GPBP1: variants seen among roughly 807,000 people sequenced by gnomAD.
GPBP1 encodes the protein GC-rich promoter binding protein 1.
A neutral mutation model predicts 56.5 loss-of-function variants in GPBP1; 13 were observed. The ratio of observed to expected loss-of-function variants is 0.23; its 90% CI spans 0.15 to 0.37. The LOEUF (loss-of-function observed/expected upper bound fraction) is 0.37. Ranked by LOEUF, GPBP1 falls within the 10% of genes least tolerant of loss-of-function variation. The probability of loss-of-function intolerance (pLI) is 1.00; values close to 1 mark genes in which losing one functional copy is unlikely to be tolerated. For missense variants in GPBP1, 477 were observed against 572.3 expected (o/e 0.83, Z 1.70); for synonymous variants, 204 against 188.9 (o/e 1.08, Z -0.66).
intron 2 of GPBP1, among the ~76,000 whole-genome samples, chr5:57,202,668 A>C (rs910150388): frequency 2.6e-5 from 4 of 152,142 alleles, no homozygotes; most frequent in African/African-American, 9.7e-5. Flanking sequence ...TCAGAGAAAA[A>C]ATTGCTTGTC....
chr5:57,246,559 G>A, intron 7 of GPBP1, 75 bp downstream of exon 7: 1 of 1,274,220 alleles, frequency 7.8e-7, no homozygotes, highest in Non-Finnish European at 1.1e-6. Context: ...AAATGTTAAA[G>A]AATTTAAAGT....
In GPBP1 at chr5:57,246,430, T is replaced by C; in HGVS notation, c.609T>C (p.Thr203=). 1 of 1,613,810 alleles carries C rather than the reference T, an allele frequency of 6.2e-7. No homozygotes were observed. ...NLPSQPVKNG[T]GPSVYKGLVP... is the part of the protein sequence containing the mutation. ...CGTCACAGCCAGTTAAGAATGGAAC[T>C]GGTCCAAGTGTTTATAAAGGTTTAG... Residue 203 remains threonine, a synonymous_variant, in exon 7 of 12, where the codon ACT becomes ACC. Transcript: ENST00000506184.
At chr5:57,195,308 A>C (rs1754697889) in intron 2 of GPBP1, among the ~76,000 whole-genome samples, 6 of 152,102 alleles carry the variant, frequency 3.9e-5, no homozygotes, top group Admixed American at 3.9e-4. Context: ...GGCACATGAC[A>C]TCATGCCTGG....
At chr5:57,220,669 A>C (rs972839976) in intron 3 of GPBP1, among the ~76,000 whole-genome samples, 2 of 152,022 alleles carry the variant, frequency 1.3e-5, no homozygotes, top group African/African-American at 4.8e-5. Flanking sequence ...CATATTGTCC[A>C]GGCTGGTCTT....
chr5:57,260,497 G>A (rs887487253), intron 10 of GPBP1, among the ~76,000 whole-genome samples: 4 of 152,072 alleles, frequency 2.6e-5, no homozygotes, highest in Non-Finnish European at 5.9e-5. Flanking sequence ...GGGGCTTTTC[G>A]CAAACTGATG....
At chr5:57,190,220 A>C (rs1754460168) in intron 2 of GPBP1, among the ~76,000 whole-genome samples, 1 of 151,104 alleles carries the variant, frequency 6.6e-6, no homozygotes, top group Non-Finnish European at 1.5e-5. Context: ...AGCTATTTTT[A>C]ACTGCTTGGG....
intron 11 of GPBP1, among the ~76,000 whole-genome samples, 177 bp from the exon 12 acceptor site, chr5:57,262,417 C>A (rs959572598): frequency 6.6e-6 from 1 of 152,160 alleles, no homozygotes; most frequent in South Asian, 2.1e-4. Context: ...GTACCTTAAT[C>A]AGTGTGACAA....
intron 2 of GPBP1, among the ~76,000 whole-genome samples, chr5:57,203,245 TTACA>T (rs772260943): frequency 9.2e-5 from 14 of 152,212 alleles, no homozygotes; most frequent in Non-Finnish European, 1.5e-4. Flanking sequence ...ATGTATGTAC[TTACA>T]TACATTTATA....
intron 2 of GPBP1, among the ~76,000 whole-genome samples, chr5:57,187,866 G>A (rs568852532): frequency 2.0e-5 from 3 of 151,054 alleles, no homozygotes; most frequent in African/African-American, 7.3e-5. Context: ...AAATTGAAGG[G>A]ACAGAAGAAG....
At chr5:57,209,630 A>G (rs1400099729) in intron 2 of GPBP1, among the ~76,000 whole-genome samples, 2 of 152,102 alleles carry the variant, frequency 1.3e-5, no homozygotes, top group Non-Finnish European at 2.9e-5. Flanking sequence ...GTTTTTTTTA[A>G]TAGATGCTGT....
chr5:57,263,220 A>T lies in GPBP1; in HGVS notation c.*468A>T, dbSNP rs1474535344. On this transcript the variant is annotated 3_prime_UTR_variant, in exon 12 of 12. Transcript: ENST00000506184. ...GGTCTCCCTCTCCTTCCCCCAAAAA[A>T]CAACAACAACAAAACAAAAACCAAA... The T allele has an allele frequency of 4.6e-5, 7 of 152,684 alleles. No homozygotes were observed. The highest frequency in any genetic ancestry group is 1.0e-4 in the Non-Finnish European group (7 of 68,234). 9.5% of individuals were successfully genotyped at this position (152,684 alleles called of 1,614,324 possible). A position where few individuals can be genotyped will look rare whatever the true frequency, so the allele number is the denominator to read the frequency against.
intron 3 of GPBP1, among the ~76,000 whole-genome samples, chr5:57,223,199 C>A (rs1172198585): frequency 6.6e-6 from 1 of 152,070 alleles, no homozygotes; most frequent in African/African-American, 2.4e-5. Flanking sequence ...GTCTTGAACT[C>A]CTGGCCTCGG....
At chr5:57,188,628 A>C (rs905040988) in intron 2 of GPBP1, among the ~76,000 whole-genome samples, 3 of 152,110 alleles carry the variant, frequency 2.0e-5, no homozygotes, top group Non-Finnish European at 2.9e-5. Flanking sequence ...CTGTAATCCC[A>C]GCTACTCGGG....
At chr5:57,214,731 T>C (rs1033712664) in intron 3 of GPBP1, among the ~76,000 whole-genome samples, 3 of 152,280 alleles carry the variant, frequency 2.0e-5, no homozygotes, top group African/African-American at 7.2e-5. Context: ...TCTTGGCTTA[T>C]TGTAGCCTAC....
At chr5:57,199,247 T>C (rs962425800) in intron 2 of GPBP1, among the ~76,000 whole-genome samples, 1 of 152,190 alleles carries the variant, frequency 6.6e-6, no homozygotes, top group Non-Finnish European at 1.5e-5. Flanking sequence ...ATAACAAAAG[T>C]TAGCTGTGTC....
chr5:57,257,870 T>A (rs556820196), intron 10 of GPBP1, among the ~76,000 whole-genome samples: 4 of 152,346 alleles, frequency 2.6e-5, no homozygotes, highest in African/African-American at 9.6e-5. Flanking sequence ...ATGGTGTATA[T>A]ACCTAGTTTG....
At chr5:57,229,230 C>CAAAAAAAAAAAAAAAAAA (rs543005934) in intron 3 of GPBP1, among the ~76,000 whole-genome samples, 7 of 77,424 alleles carry the variant, frequency 9.0e-5, no homozygotes, top group South Asian at 3.7e-4. Context: ...GACTCCATCT[C>CAAAAAAAAAAAAAAAAAA]AAAAAAAAAA....
chr5:57,225,862 A>G (rs1047744704), intron 3 of GPBP1, among the ~76,000 whole-genome samples: 1 of 152,220 alleles, frequency 6.6e-6, no homozygotes, highest in Non-Finnish European at 1.5e-5. Context: ...TCCTGATGCC[A>G]TCAATGCAGC....
At chr5:57,246,665 G>C (rs1741105392) in intron 7 of GPBP1, among the ~76,000 whole-genome samples, 181 bp downstream of exon 7, 1 of 151,914 alleles carries the variant, frequency 6.6e-6, no homozygotes, top group Admixed American at 6.6e-5. Flanking sequence ...GTGCGTGTGT[G>C]TGGTTTTATT....
Sources: gnomAD v4.1 joint callset for allele counts (sites outside exome capture counted in the v4.1 genomes callset) on GRCh38, gnomAD v4.1.1 for gene constraint, MANE v1.5 for transcripts, NCBI Gene and HGNC (gene_info 2026-07-23, HGNC 2026-07-21) for gene names.